The following ZNF536 variants were observed in gnomAD, a reference collection of about 807,000 sequenced individuals.
ZNF536 encodes zinc finger protein 536.
A neutral mutation model predicts 84.5 loss-of-function variants in ZNF536; 13 were observed. That is an observed-to-expected ratio of 0.15 (90% CI 0.10 to 0.24). The LOEUF (loss-of-function observed/expected upper bound fraction) is 0.24, where lower values mean the gene tolerates loss of function less well. Ranked by LOEUF, ZNF536 falls within the 10% of genes least tolerant of loss-of-function variation. ZNF536 has a pLI of 1.00. For missense variants in ZNF536, 1,536 were observed against 1,747.5 expected, an observed-to-expected ratio of 0.88 and a Z score of 2.16; for synonymous variants, 811 against 742.5, an observed-to-expected ratio of 1.09 and a Z score of -1.50.
At chr19:30,425,108 G>A (rs547810048) in intron 1 of ZNF536, among the ~76,000 whole-genome samples, 1 of 152,240 alleles carries the variant, frequency 6.6e-6, no homozygotes, top group Non-Finnish European at 1.5e-5. Flanking sequence ...TAGGAAAGGG[G>A]TGAGGGATAA....
intron 1 of ZNF536, among the ~76,000 whole-genome samples, chr19:30,671,325 G>T (rs1338474202): frequency 6.6e-6 from 1 of 152,238 alleles, no homozygotes; most frequent in Non-Finnish European, 1.5e-5. Flanking sequence ...CCAGCCAAAG[G>T]AGTAGCATGT....
rs34995610 is a variant in ZNF536 at position 30,569,559 on chromosome 19, CTTTTTTTTTTTTT to C, written c.169+20063_169+20075del. Among the ~76,000 whole-genome samples, 79 of 55,094 alleles carry C rather than the reference CTTTTTTTTTTTTT, an allele frequency of 1.4e-3. 1 individual carries two copies. The South Asian group carries it at 0.025, about 18-fold the overall frequency. The allele number at this position is 55,094 out of a possible 152,430, so 36.1% of individuals were successfully genotyped here. On this transcript the variant is annotated intron_variant, in intron 1 of 1. Coordinates refer to the ZNF536 transcript ENST00000592773. ...ATGGAATCGAAGCCAGATAAACGTT[CTTTTTTTTTTTTT>C]TTTTTTTTTTTTTTTTTGAGACAGA...
intron 1 of ZNF536, among the ~76,000 whole-genome samples, chr19:30,646,587 C>G (rs538514099): frequency 6.1e-4 from 93 of 152,326 alleles, no homozygotes; most frequent in African/African-American, 2.1e-3. Flanking sequence ...TGATCACGCA[C>G]TGTCCAGACC....
At chr19:30,561,223 T>C (rs569471539), downstream of ZNF536, among the ~76,000 whole-genome samples, 1 of 152,336 alleles carries the variant, frequency 6.6e-6, no homozygotes, top group Admixed American at 6.5e-5. Context: ...TTTTATATGA[T>C]GGACAAGTTG....
chr19:30,326,615 A>T (rs2047033115), intron 2 of ZNF536, among the ~76,000 whole-genome samples: 1 of 151,892 alleles, frequency 6.6e-6, no homozygotes, highest in Non-Finnish European at 1.5e-5. Flanking sequence ...ATGAAAACGT[A>T]TGTGAAGCGC....
rs943282338 is a variant in ZNF536, at chr19:30,511,873, G to C, written c.2171-22974G>C. Among the ~76,000 whole-genome samples the C allele has an allele frequency of 7.2e-5, 11 of 152,150 alleles. 1 individual carries two copies. The South Asian group carries it at 2.3e-3, about 32-fold the overall frequency. ...CACGAAGAATTAAACAAAGCTTTTA[G>C]AGGGTTTCTGGTGCTATTTATCCTT... is the stretch of plus-strand genomic sequence containing the variant. On this transcript the variant is annotated intron_variant, in intron 2 of 4. Transcript: ENST00000355537.
intron 1 of ZNF536, among the ~76,000 whole-genome samples, chr19:30,608,276 TGCATCGTG>T (rs2047967115): frequency 6.6e-6 from 1 of 152,214 alleles, no homozygotes; most frequent in African/African-American, 2.4e-5. Context: ...ATTTCTACTC[TGCATCGTG>T]GTCCTTTGTC....
chr19:30,479,280 ATC>A (rs1429654794), intron 2 of ZNF536, among the ~76,000 whole-genome samples: 2 of 152,262 alleles, frequency 1.3e-5, no homozygotes, highest in African/African-American at 4.8e-5. Flanking sequence ...GGACATTGAG[ATC>A]CAGCTGTCAG....
intron 1 of ZNF536, among the ~76,000 whole-genome samples, chr19:30,673,887 G>T (rs1600225643): frequency 1.3e-5 from 2 of 152,246 alleles, no homozygotes. Context: ...ATTTATGTTG[G>T]GTTCTGTAGC....
intron 1 of ZNF536, among the ~76,000 whole-genome samples, chr19:30,278,640 G>A (rs1208994244): frequency 6.6e-6 from 1 of 152,090 alleles, no homozygotes; most frequent in African/African-American, 2.4e-5. Flanking sequence ...GGGCCAGGGT[G>A]AGCGTGGCTG....
At chr19:30,451,171 C>T (rs1018065529) in intron 2 of ZNF536, among the ~76,000 whole-genome samples, 1 of 152,232 alleles carries the variant, frequency 6.6e-6, no homozygotes, top group African/African-American at 2.4e-5. Context: ...TCAGATGGGG[C>T]ACAGGGTCAG....
intron 1 of ZNF536, among the ~76,000 whole-genome samples, chr19:30,597,836 TTTG>T (rs893660462): frequency 6.6e-6 from 1 of 152,204 alleles, no homozygotes; most frequent in South Asian, 2.1e-4. Context: ...GTTGCATGCA[TTTG>T]TTATTATTGT....
At chr19:30,494,379 C>T (rs895209660) in intron 2 of ZNF536, among the ~76,000 whole-genome samples, 1 of 152,248 alleles carries the variant, frequency 6.6e-6, no homozygotes, top group Admixed American at 6.5e-5. Flanking sequence ...CTTGCTTCGA[C>T]TTCACTCCGC....
chr19:30,325,114 A>G (rs2046981011), intron 2 of ZNF536, among the ~76,000 whole-genome samples: 1 of 152,170 alleles, frequency 6.6e-6, no homozygotes, highest in South Asian at 2.1e-4. Context: ...ATGCCCAGGG[A>G]GGAATGATAG....
rs568448177 is a variant in ZNF536, at chr19:30,622,696, G to A, written c.169+73182G>A. ...CCTCAGCTCCCTGGTTCCCCGCTAC[G>A]CAGCTGTAGGTTGAAGGCCCAGCTT... On this transcript the variant is annotated intron_variant, in intron 1 of 1. Coordinates refer to the ZNF536 transcript ENST00000592773. Among the ~76,000 whole-genome samples, 8 of 152,286 alleles carry A rather than the reference G, an allele frequency of 5.3e-5. No homozygotes were observed. In the South Asian group the frequency reaches 1.0e-3, roughly 20 times the overall value.
At chr19:30,236,882 G>A (rs2023566232) in intron 1 of ZNF536, among the ~76,000 whole-genome samples, 1 of 152,180 alleles carries the variant, frequency 6.6e-6, no homozygotes, top group South Asian at 2.1e-4. Flanking sequence ...TGGCTGTCTG[G>A]TGAGGTCAAG....
At chr19:30,590,101 T>G (rs2047224228) in intron 1 of ZNF536, among the ~76,000 whole-genome samples, 1 of 152,178 alleles carries the variant, frequency 6.6e-6, no homozygotes, top group African/African-American at 2.4e-5. Context: ...TGTGCCTCCT[T>G]CTCTCCAGCA....
intron 1 of ZNF536, among the ~76,000 whole-genome samples, chr19:30,700,862 T>C (rs899979977): frequency 6.6e-6 from 1 of 152,182 alleles, no homozygotes; most frequent in African/African-American, 2.4e-5. Flanking sequence ...TGTTCCTAAT[T>C]TCAAGGAGTT....
At chr19:30,576,491 T>C (rs1031625089) in intron 1 of ZNF536, among the ~76,000 whole-genome samples, 1 of 152,192 alleles carries the variant, frequency 6.6e-6, no homozygotes, top group African/African-American at 2.4e-5. Context: ...TCTGTCTTCT[T>C]TATTGACTTC....
Sources: gnomAD v4.1 joint callset for allele counts (sites outside exome capture counted in the v4.1 genomes callset) on GRCh38, gnomAD v4.1.1 for gene constraint, MANE v1.5 for transcripts, NCBI Gene and HGNC (gene_info 2026-07-23, HGNC 2026-07-21) for gene names.